FSTL5: variants seen among roughly 807,000 people sequenced by gnomAD.
FSTL5 encodes follistatin like 5.
A neutral mutation model predicts 89.1 loss-of-function variants in FSTL5; 62 were observed. That is an observed-to-expected ratio of 0.70 (90% CI 0.57 to 0.86). FSTL5 has a LOEUF of 0.86. Ranked by LOEUF, FSTL5 falls within the 40% of genes least tolerant of loss-of-function variation. FSTL5 has a pLI of 0.00. For synonymous variants in FSTL5, 383 were observed against 346.2 expected, an observed-to-expected ratio of 1.11 and a Z score of -1.18; for missense variants, 1,057 against 1,001.6, an observed-to-expected ratio of 1.06 and a Z score of -0.75.
chr4:161,483,534 A>T (rs1729588022), intron 12 of FSTL5, among the ~76,000 whole-genome samples: 1 of 152,224 alleles, frequency 6.6e-6, no homozygotes, highest in South Asian at 2.1e-4. Flanking sequence ...ATCCTTGACC[A>T]GACTTACAAG....
chr4:161,632,147 G>A (rs1366107977), intron 7 of FSTL5, among the ~76,000 whole-genome samples: 3 of 152,168 alleles, frequency 2.0e-5, no homozygotes, highest in Non-Finnish European at 4.4e-5. Flanking sequence ...TTGGGAGGCT[G>A]AGGCAGGCGA....
At position 161,586,964 on chromosome 4, in the gene FSTL5, A is replaced by G. The variant is rs761285538; in HGVS notation, c.1015+491T>C. 1.2e-4 allele frequency among the ~76,000 whole-genome samples: 19 copies of G among 152,360 alleles called. 1 individual carries two copies. Among genetic ancestry groups the G allele is most frequent in the Non-Finnish European group, 1.9e-4 (13 of 68,030 alleles). ...ATGCTAGTAAATAACTAAAATTTGA[A>G]TTAAATCAAGAATAAAGAAAAGCTC... On this transcript the variant is annotated intron_variant, in intron 8 of 15. Coordinates refer to ENST00000306100, the MANE Select transcript of FSTL5 (RefSeq NM_020116.5).
chr4:161,755,452 A>G (rs767363836), intron 6 of FSTL5, among the ~76,000 whole-genome samples: 2 of 152,012 alleles, frequency 1.3e-5, no homozygotes, highest in Non-Finnish European at 2.9e-5. Context: ...ATTTTATACC[A>G]TGGCAGAGAG....
chr4:161,976,165 A>G (rs1040537848), intron 3 of FSTL5, among the ~76,000 whole-genome samples: 2 of 149,592 alleles, frequency 1.3e-5, no homozygotes, highest in Non-Finnish European at 3.0e-5. Flanking sequence ...TTTCATCTCC[A>G]CTCACGTTTC....
At chr4:162,049,048 A>T (rs912047620) in intron 2 of FSTL5, among the ~76,000 whole-genome samples, 67 of 152,170 alleles carry the variant, frequency 4.4e-4, no homozygotes, top group African/African-American at 1.5e-3. Context: ...CTACAAATTT[A>T]TATCTCTGGG....
At chr4:161,439,621 A>G (rs1732690919) in intron 15 of FSTL5, among the ~76,000 whole-genome samples, 1 of 152,218 alleles carries the variant, frequency 6.6e-6, no homozygotes, top group African/African-American at 2.4e-5. Flanking sequence ...GTGAAGTGAT[A>G]TTAAAAGTAT....
In FSTL5 at chr4:161,676,692, T is replaced by C. The variant is rs189438357; in HGVS notation, c.728-20198A>G. Reference sequence around the variant, plus strand: ...ATAATAAAGTAAATAAATTAAAGACTCCTAAAAAAACAAACTTACAATTAT... The same window carrying C: ...ATAATAAAGTAAATAAATTAAAGACCCCTAAAAAAACAAACTTACAATTAT... On this transcript the variant is annotated intron_variant, in intron 6 of 15. Transcript: ENST00000306100. Among the ~76,000 whole-genome samples, 165 of 150,692 alleles carry C rather than the reference T, an allele frequency of 1.1e-3. 1 individual carries two copies. The highest frequency in any genetic ancestry group is 0.011 in the Admixed American group (163 of 15,058).
chr4:162,031,346 T>C (rs1045438147), intron 3 of FSTL5, among the ~76,000 whole-genome samples: 2 of 152,216 alleles, frequency 1.3e-5, no homozygotes, highest in Admixed American at 6.6e-5. Context: ...TGATTACTAA[T>C]ATCAAATGAG....
chr4:162,153,999 G>A (rs1335745912), intron 1 of FSTL5, among the ~76,000 whole-genome samples: 1 of 151,244 alleles, frequency 6.6e-6, no homozygotes, highest in African/African-American at 2.4e-5. Flanking sequence ...TAGAGATGGG[G>A]TTTCACTAGG....
chr4:161,437,865 G>C (rs1732624029), intron 15 of FSTL5, among the ~76,000 whole-genome samples: 1 of 152,074 alleles, frequency 6.6e-6, no homozygotes, highest in Non-Finnish European at 1.5e-5. Context: ...GTCCTCGAGA[G>C]GATTTCCTTA....
intron 9 of FSTL5, among the ~76,000 whole-genome samples, chr4:161,541,815 C>A (rs1462378704): frequency 6.6e-6 from 1 of 151,406 alleles, no homozygotes; most frequent in Non-Finnish European, 1.5e-5. Flanking sequence ...TTACCCCTAA[C>A]AATGAAAAAA....
At chr4:162,056,396 T>C (rs1451999272) in intron 2 of FSTL5, among the ~76,000 whole-genome samples, 1 of 151,380 alleles carries the variant, frequency 6.6e-6, no homozygotes, top group Non-Finnish European at 1.5e-5. Context: ...ATGCAGGTAT[T>C]CTTGGAGATA....
In FSTL5 at chr4:161,545,908, T is replaced by C. The variant is rs139735420; in HGVS notation, c.1016-3215A>G. On this transcript the variant is annotated intron_variant, in intron 8 of 15. Transcript: ENST00000306100. ...CTTAAGAAAATACAAACTTAACCAA[T>C]AAAAATAAAAACAACAGTCAAGTTT... Among the ~76,000 whole-genome samples the C allele has an allele frequency of 6.2e-3, 939 of 151,778 alleles. 11 individuals are homozygous for C. Among genetic ancestry groups the C allele is most frequent in the African/African-American group, 0.021 (891 of 41,458 alleles).
intron 4 of FSTL5, among the ~76,000 whole-genome samples, chr4:161,846,105 G>T (rs1387006602): frequency 3.3e-5 from 5 of 151,694 alleles, no homozygotes; most frequent in African/African-American, 1.2e-4. Flanking sequence ...TTGTGTGTGT[G>T]TGTGCACGCA....
chr4:161,518,168 C>T lies in FSTL5; in HGVS notation c.1313-7744G>A, dbSNP rs540008773. ...TCCTGTGACCACACAGGGTTTTAAC[C>T]TAACGTCTAACATAAGCTGATTAGG... On this transcript the variant is annotated intron_variant, in intron 10 of 15. Coordinates refer to ENST00000306100, the MANE Select transcript of FSTL5 (RefSeq NM_020116.5). Among the ~76,000 whole-genome samples the T allele has an allele frequency of 3.8e-4, 58 of 152,270 alleles. No homozygotes were observed. The South Asian group carries it at 0.01, about 27-fold the overall frequency.
At chr4:161,480,888 T>C (rs1729479476) in intron 13 of FSTL5, 132 bp downstream of exon 13, 2 of 608,730 alleles carry the variant, frequency 3.3e-6, no homozygotes, top group Non-Finnish European at 5.7e-6. Flanking sequence ...TTGCAGAAAA[T>C]GCATAAATTT....
chr4:161,448,497 T>C (rs1199009023), intron 15 of FSTL5, among the ~76,000 whole-genome samples: 1 of 152,144 alleles, frequency 6.6e-6, no homozygotes, highest in Non-Finnish European at 1.5e-5. Flanking sequence ...TGGGGGAGAA[T>C]GATATACTTT....
chr4:161,450,946 G>A (rs910023570), intron 15 of FSTL5, among the ~76,000 whole-genome samples: 2 of 151,832 alleles, frequency 1.3e-5, no homozygotes, highest in African/African-American at 2.4e-5. Flanking sequence ...AGGTTTCACC[G>A]TGTTAGCCAG....
chr4:162,138,384 A>G (rs568145732), intron 1 of FSTL5, among the ~76,000 whole-genome samples: 1 of 152,266 alleles, frequency 6.6e-6, no homozygotes, highest in South Asian at 2.1e-4. Context: ...CTGATACTAG[A>G]GCACATCTCA....
Sources: allele counts gnomAD v4.1 joint callset (sites outside exome capture counted in the v4.1 genomes callset), GRCh38; gene constraint gnomAD v4.1.1; transcripts MANE v1.5; gene names NCBI Gene and HGNC (gene_info 2026-07-23, HGNC 2026-07-21).